The following LRMDA variants were observed in gnomAD, a reference collection of about 807,000 sequenced individuals.
LRMDA encodes the protein leucine rich melanocyte differentiation associated.
LRMDA carries 18 observed loss-of-function variants against 29.8 expected under a neutral mutation model. The observed-to-expected ratio is 0.60, with a 90% CI of 0.42 to 0.90. The LOEUF (loss-of-function observed/expected upper bound fraction) is 0.90, where lower values mean the gene tolerates loss of function less well. LRMDA is among the 40% of genes least tolerant of loss of function. The probability of loss-of-function intolerance (pLI) is 0.00; values close to 1 mark genes in which losing one functional copy is unlikely to be tolerated. For missense variants in LRMDA, 273 were observed against 273.9 expected (o/e 1.00, Z 0.02); for synonymous variants, 125 against 109.4 (o/e 1.14, Z -0.89).
At chr10:76,327,090 A>G (rs1041279343) in intron 6 of LRMDA, among the ~76,000 whole-genome samples, 1 of 98,734 alleles carries the variant, frequency 1.0e-5, no homozygotes, top group African/African-American at 4.8e-5. Flanking sequence ...AGTCCAAATC[A>G]TCTTTTTTTT....
chr10:75,467,434 GAGA>G (rs1440098521), intron 2 of LRMDA, among the ~76,000 whole-genome samples: 7 of 152,314 alleles, frequency 4.6e-5, no homozygotes, highest in African/African-American at 1.2e-4. Flanking sequence ...TTAGGTGTTT[GAGA>G]AGAAGAAGAC....
At chr10:76,492,409 G>A (rs901680153) in intron 6 of LRMDA, among the ~76,000 whole-genome samples, 5 of 152,072 alleles carry the variant, frequency 3.3e-5, no homozygotes, top group South Asian at 4.2e-4. Context: ...TAAGGAACAC[G>A]CCAAACCCAT....
At chr10:75,724,692 G>A (rs1377467605) in intron 2 of LRMDA, among the ~76,000 whole-genome samples, 5 of 152,120 alleles carry the variant, frequency 3.3e-5, no homozygotes, top group Admixed American at 3.3e-4. Context: ...GAATCTCAGC[G>A]AGTGGGTTAA....
At chr10:75,479,150 C>A (rs1023303385) in intron 2 of LRMDA, among the ~76,000 whole-genome samples, 3 of 152,020 alleles carry the variant, frequency 2.0e-5, no homozygotes, top group Admixed American at 2.0e-4. Flanking sequence ...TGGGAGGTTG[C>A]GGCCAAGTGT....
chr10:76,279,631 T>G (rs2132332205), intron 5 of LRMDA, among the ~76,000 whole-genome samples: 1 of 147,206 alleles, frequency 6.8e-6, no homozygotes, highest in African/African-American at 2.6e-5. Flanking sequence ...CTGCAACCGC[T>G]GCCTCCCGGG....
chr10:76,412,849 T>C (rs1841976982), intron 6 of LRMDA, among the ~76,000 whole-genome samples: 1 of 152,170 alleles, frequency 6.6e-6, no homozygotes, highest in Non-Finnish European at 1.5e-5. Flanking sequence ...TGCTGCTAAA[T>C]GCTAAAAGAA....
intron 2 of LRMDA, among the ~76,000 whole-genome samples, chr10:75,602,957 A>G (rs1402950410): frequency 2.0e-5 from 3 of 152,160 alleles, no homozygotes; most frequent in African/African-American, 7.2e-5. Flanking sequence ...TCTTTTTCCC[A>G]CTACAGGCTT....
At chr10:75,746,885 T>A (rs1183214027) in intron 2 of LRMDA, among the ~76,000 whole-genome samples, 1 of 151,570 alleles carries the variant, frequency 6.6e-6, no homozygotes, top group Admixed American at 6.6e-5. Context: ...GAAGAGGGAG[T>A]TGTTCTTTTA....
intron 2 of LRMDA, among the ~76,000 whole-genome samples, chr10:75,814,093 A>G (rs1226339344): frequency 1.3e-5 from 2 of 152,228 alleles, no homozygotes; most frequent in Admixed American, 1.3e-4. Context: ...ATTTAGGAAT[A>G]TGATTTATGC....
intron 6 of LRMDA, among the ~76,000 whole-genome samples, chr10:76,363,126 AAAG>A (rs1460401232): frequency 9.4e-5 from 2 of 21,166 alleles, no homozygotes; most frequent in African/African-American, 4.2e-4. Context: ...GGAAAGAAAG[AAAG>A]AAAGAAAGAA....
intron 2 of LRMDA, among the ~76,000 whole-genome samples, chr10:75,582,114 G>C (rs1039770398): frequency 1.1e-4 from 17 of 152,230 alleles, no homozygotes; most frequent in African/African-American, 3.4e-4. Flanking sequence ...TCAGGGGCAG[G>C]GGGGAAGCTC....
At chr10:76,379,089 T>G (rs971381446) in intron 6 of LRMDA, among the ~76,000 whole-genome samples, 2 of 151,910 alleles carry the variant, frequency 1.3e-5, no homozygotes, top group Non-Finnish European at 2.9e-5. Flanking sequence ...ACTCCTGACC[T>G]CAGGTGATCC....
intron 4 of LRMDA, among the ~76,000 whole-genome samples, chr10:76,057,338 C>T (rs1848632850): frequency 6.6e-6 from 1 of 152,146 alleles, no homozygotes; most frequent in African/African-American, 2.4e-5. Context: ...ACATCTGTAT[C>T]CCTAAGGCCT....
chr10:76,476,135 A>C (rs1331310771), intron 6 of LRMDA, among the ~76,000 whole-genome samples: 1 of 152,156 alleles, frequency 6.6e-6, no homozygotes, highest in Non-Finnish European at 1.5e-5. Context: ...AAGATCAACA[A>C]AACTGATAGA....
intron 2 of LRMDA, among the ~76,000 whole-genome samples, chr10:75,483,305 T>C (rs748874300): frequency 1.3e-5 from 2 of 152,194 alleles, no homozygotes; most frequent in African/African-American, 2.4e-5. Flanking sequence ...CATGAACAAA[T>C]AGGTACATTT....
At chr10:75,663,459 G>A (rs1841780564) in intron 2 of LRMDA, among the ~76,000 whole-genome samples, 1 of 152,170 alleles carries the variant, frequency 6.6e-6, no homozygotes, top group South Asian at 2.1e-4. Context: ...TGTTCATCCA[G>A]GGTTGAGAAC....
At chr10:76,275,945 T>C (rs1420597074) in intron 5 of LRMDA, among the ~76,000 whole-genome samples, 1 of 152,132 alleles carries the variant, frequency 6.6e-6, no homozygotes, top group African/African-American at 2.4e-5. Flanking sequence ...TTTTTATGTA[T>C]CTTCAAGTTC....
chr10:75,717,986 G>T (rs1184647477), intron 2 of LRMDA, among the ~76,000 whole-genome samples: 1 of 152,174 alleles, frequency 6.6e-6, no homozygotes, highest in South Asian at 2.1e-4. Flanking sequence ...AGCTAGTGAG[G>T]AAGGAAAGCT....
intron 2 of LRMDA, among the ~76,000 whole-genome samples, chr10:75,513,483 C>G (rs1014863936): frequency 6.6e-6 from 1 of 152,160 alleles, no homozygotes; most frequent in Non-Finnish European, 1.5e-5. Context: ...GTGTTAGTTT[C>G]CTGTTGCTGC....
Sources: gnomAD v4.1 joint callset for allele counts (sites outside exome capture counted in the v4.1 genomes callset) on GRCh38, gnomAD v4.1.1 for gene constraint, MANE v1.5 for transcripts, NCBI Gene and HGNC (gene_info 2026-07-23, HGNC 2026-07-21) for gene names.